Variants in CCDC149 observed in about 807,000 individuals in gnomAD.
CCDC149 encodes the protein coiled-coil domain containing 149, also known as coiled-coil domain-containing protein 149.
CCDC149 carries 45 observed loss-of-function variants against 59.9 expected under a neutral mutation model. That is an observed-to-expected ratio of 0.75 (90% CI 0.59 to 0.96). CCDC149 has a LOEUF of 0.96. CCDC149 is among the 40% of genes least tolerant of loss of function. The pLI is 0.00. For missense variants in CCDC149, 584 were observed against 664.7 expected, an observed-to-expected ratio of 0.88 and a Z score of 1.33; for synonymous variants, 245 against 260.6, an observed-to-expected ratio of 0.94 and a Z score of 0.58.
chr4:24,814,370 T>G (rs1527361), intron 12 of CCDC149, among the ~76,000 whole-genome samples: 4,885 of 152,276 alleles, frequency 0.032, 264 homozygotes, highest in African/African-American at 0.11. Flanking sequence ...AGCCTTGATT[T>G]TGAAAAAAAC....
chr4:24,836,552 T>A (rs775681683), intron 6 of CCDC149, 44 bp from the exon 7 acceptor site: 3 of 1,293,190 alleles, frequency 2.3e-6, no homozygotes, highest in Non-Finnish European at 3.3e-6. Flanking sequence ...AAGGGCTAAA[T>A]AAAAAACACA....
chr4:24,960,833 T>C (rs1723615893), intron 1 of CCDC149, among the ~76,000 whole-genome samples: 2 of 152,222 alleles, frequency 1.3e-5, no homozygotes, highest in African/African-American at 4.8e-5. Context: ...CTTCACTCAG[T>C]AATTGGTAGA....
At chr4:24,861,943 G>A (rs1315420798) in intron 3 of CCDC149, among the ~76,000 whole-genome samples, 3 of 152,112 alleles carry the variant, frequency 2.0e-5, no homozygotes, top group Non-Finnish European at 4.4e-5. Flanking sequence ...AACGCAGGAA[G>A]AAGAGTTCTC....
At chr4:24,912,118 G>T (rs1448321838) in intron 1 of CCDC149, among the ~76,000 whole-genome samples, 2 of 152,206 alleles carry the variant, frequency 1.3e-5, no homozygotes, top group Admixed American at 1.3e-4. Context: ...AGGGGGAACT[G>T]AAGAGCAAAC....
At chr4:24,904,678 C>T (rs1335408594) in intron 1 of CCDC149, among the ~76,000 whole-genome samples, 1 of 152,186 alleles carries the variant, frequency 6.6e-6, no homozygotes, top group East Asian at 1.9e-4. Flanking sequence ...AGTTGCTCTG[C>T]GTCCCTGTCA....
intron 1 of CCDC149, among the ~76,000 whole-genome samples, chr4:24,907,877 C>T (rs919163400): frequency 4.6e-5 from 7 of 152,188 alleles, no homozygotes; most frequent in East Asian, 1.9e-4. Context: ...TCCTAGTTTC[C>T]GGTGGTCACC....
intron 1 of CCDC149, among the ~76,000 whole-genome samples, chr4:24,962,621 A>C (rs1425569341): frequency 2.6e-5 from 4 of 152,176 alleles, no homozygotes; most frequent in African/African-American, 4.8e-5. Context: ...TTCTCAGCAA[A>C]CTATCACAAG....
intron 1 of CCDC149, among the ~76,000 whole-genome samples, chr4:24,937,299 T>C (rs1010454231): frequency 3.9e-5 from 6 of 152,228 alleles, no homozygotes; most frequent in Admixed American, 3.9e-4. Context: ...ACTGTGGTCA[T>C]GACGAATGTC....
intron 1 of CCDC149, among the ~76,000 whole-genome samples, chr4:24,906,376 T>TTTGTATTTTA (rs1721516983): frequency 8.9e-6 from 1 of 112,378 alleles, no homozygotes; most frequent in Non-Finnish European, 1.9e-5. Flanking sequence ...TTTTATTTTA[T>TTTGTATTTTA]TTTATTTTAT....
chr4:24,935,298 T>C (rs1419846658), intron 1 of CCDC149, among the ~76,000 whole-genome samples: 1 of 152,190 alleles, frequency 6.6e-6, no homozygotes, highest in Non-Finnish European at 1.5e-5. Flanking sequence ...TACCATTTTC[T>C]GGAATGGAAA....
chr4:24,841,182 G>A (rs1309478551), intron 4 of CCDC149, among the ~76,000 whole-genome samples: 6 of 152,162 alleles, frequency 3.9e-5, no homozygotes, highest in Non-Finnish European at 8.8e-5. Flanking sequence ...TTCAGTATGA[G>A]GCCAACAGGA....
chr4:24,943,238 C>T (rs946245608), intron 1 of CCDC149, among the ~76,000 whole-genome samples: 3 of 152,004 alleles, frequency 2.0e-5, no homozygotes, highest in African/African-American at 7.2e-5. Flanking sequence ...GAAATAATGC[C>T]GCATATCTAC....
At chr4:24,887,134 G>A (rs1720229840) in intron 1 of CCDC149, among the ~76,000 whole-genome samples, 1 of 152,004 alleles carries the variant, frequency 6.6e-6, no homozygotes, top group African/African-American at 2.4e-5. Context: ...GCTTTTATCT[G>A]CCCTAAAGCA....
intron 9 of CCDC149, among the ~76,000 whole-genome samples, chr4:24,823,947 G>A (rs189366628): frequency 6.8e-4 from 104 of 152,082 alleles, no homozygotes; most frequent in Non-Finnish European, 1.2e-3. Flanking sequence ...TTGTAATCTC[G>A]CTTTCCATAT....
At chr4:24,919,656 T>C (rs977694847) in intron 1 of CCDC149, among the ~76,000 whole-genome samples, 1 of 152,120 alleles carries the variant, frequency 6.6e-6, no homozygotes, top group African/African-American at 2.4e-5. Flanking sequence ...AATGACCCTC[T>C]CCAAGGTGAA....
At chr4:24,950,159 G>A (rs914813083) in intron 1 of CCDC149, among the ~76,000 whole-genome samples, 1 of 152,262 alleles carries the variant, frequency 6.6e-6, no homozygotes, top group African/African-American at 2.4e-5. Context: ...AGGTGGCAGA[G>A]AGAGTATGCC....
At chr4:24,941,215 T>C (rs1560263855) in intron 1 of CCDC149, among the ~76,000 whole-genome samples, 2 of 152,128 alleles carry the variant, frequency 1.3e-5, no homozygotes, top group Non-Finnish European at 2.9e-5. Context: ...CACAGTGCAA[T>C]CAAACTAGAA....
At chr4:24,847,475 T>A (rs1263281457) in intron 4 of CCDC149, among the ~76,000 whole-genome samples, 6 of 152,208 alleles carry the variant, frequency 3.9e-5, no homozygotes, top group Non-Finnish European at 5.9e-5. Flanking sequence ...AACTAGAATA[T>A]CAGTACCATG....
intron 1 of CCDC149, among the ~76,000 whole-genome samples, chr4:24,941,430 C>T (rs1722950938): frequency 2.0e-5 from 3 of 152,020 alleles, no homozygotes; most frequent in Admixed American, 2.0e-4. Context: ...ACTAAATGCC[C>T]ACAAGAGAAA....
Sources: gnomAD v4.1 joint callset for allele counts (sites outside exome capture counted in the v4.1 genomes callset) on GRCh38, gnomAD v4.1.1 for gene constraint, MANE v1.5 for transcripts, NCBI Gene and HGNC (gene_info 2026-07-23, HGNC 2026-07-21) for gene names.